The following ADAMTS15 variants were observed in gnomAD, a reference collection of about 807,000 sequenced individuals.
The protein encoded by ADAMTS15 is A disintegrin and metalloproteinase with thrombospondin motifs 15.
ADAMTS15 carries 35 observed loss-of-function variants against 79.1 expected under a neutral mutation model. That is an observed-to-expected ratio of 0.44 (90% confidence interval 0.34 to 0.59). The LOEUF is 0.59. Ranked by LOEUF, ADAMTS15 falls within the 20% of genes least tolerant of loss-of-function variation. The pLI is 0.02. For synonymous variants in ADAMTS15, 616 were observed against 567.3 expected (o/e 1.09, Z -1.22); for missense variants, 1,324 against 1,318.7 (o/e 1.00, Z -0.06).
chr11:130,462,708 C>T lies in ADAMTS15; in HGVS notation c.1470C>T (p.Gly490=), dbSNP rs761191562. The T allele has an allele frequency of 6.2e-7, 1 of 1,612,222 alleles. No homozygotes were observed. Among genetic ancestry groups the T allele is most frequent in the Non-Finnish European group, 8.5e-7 (1 of 1,178,406 alleles). Residue 490 remains glycine (G), a synonymous_variant, in exon 4 of 8, where the codon GGC becomes GGT. Transcript: ENST00000299164. The surrounding 1 kb of genome is among the most constrained non-coding windows in gnomAD (Gnocchi z 4.3). ...CCCGCCACTTCCCCTGGGCCGATGG[C>T]ACCAGCTGTGGCGAGGGCAAGCTCT... ...CQTRHFPWAD[G]TSCGEGKLCL... is the part of the protein sequence containing the mutation.
At chr11:130,454,802 TGGG>T (rs1318803874) in intron 1 of ADAMTS15, among the ~76,000 whole-genome samples, 1 of 152,156 alleles carries the variant, frequency 6.6e-6, no homozygotes, top group Admixed American at 6.5e-5. Context: ...TGTCAGCAGA[TGGG>T]GGAGGAAGGT....
chr11:130,473,724 A>C lies in ADAMTS15; in HGVS notation c.2756A>C (p.Lys919Thr). 1.2e-6 allele frequency: 2 copies of C among 1,600,038 alleles called. No individual in the cohort carries two copies. Among genetic ancestry groups the C allele is most frequent in the Non-Finnish European group, 1.7e-6 (2 of 1,179,868 alleles). ...CGRGFQRRSL[K>T]CVGHGGRLLA... is the part of the protein sequence containing the mutation. ...CGGGGATTTCAGAGGCGCTCACTCA[A>C]GTGTGTGGGCCACGGAGGCCGGCTG... is the stretch of plus-strand genomic sequence containing the variant. Residue 919 changes from lysine to threonine, a missense_variant, in exon 8 of 8, where the codon AAG becomes ACG. By Grantham distance (78) the Lys-to-Thr change is moderately conservative (BLOSUM62 -1). Transcript: ENST00000299164.
At chr11:130,450,201 C>A (rs550178101) in intron 1 of ADAMTS15, 2 of 985,344 alleles carry the variant, frequency 2.0e-6, no homozygotes, top group African/African-American at 3.5e-5. Flanking sequence ...CTGGATCAGG[C>A]GCCGAGGGGC....
intron 1 of ADAMTS15, among the ~76,000 whole-genome samples, chr11:130,454,232 A>G (rs905433808): frequency 6.6e-6 from 1 of 152,142 alleles, no homozygotes; most frequent in Non-Finnish European, 1.5e-5. Context: ...GGGACCATCC[A>G]GGCAGGATCT....
At chr11:130,469,719 G>A (rs1437057242) in intron 5 of ADAMTS15, among the ~76,000 whole-genome samples, 2 of 152,138 alleles carry the variant, frequency 1.3e-5, no homozygotes, top group African/African-American at 4.8e-5. Flanking sequence ...CCTTCTGGAT[G>A]CTTAGCCTGG....
Position 130,462,387 on chromosome 11 carries a change from G to C in ADAMTS15, c.1259-110G>C, listed in dbSNP as rs1938219873. On this transcript the variant is annotated intron_variant, in intron 3 of 7. Transcript: ENST00000299164. This position sits in a 1 kb window ranked among gnomAD's most constrained non-coding sequence, Gnocchi z 4.3. ...CCCCCTCGGAGCCGGGCTCTGACAT[G>C]AGTGCATTCCTGTTGCCCTTGGTTC... 2 of 1,494,608 alleles carry C rather than the reference G, an allele frequency of 1.3e-6. No homozygotes were observed. The highest frequency in any genetic ancestry group is 2.6e-5 in the South Asian group (2 of 75,924). The allele number at this position is 1,494,608 out of a possible 1,614,324, so 92.6% of individuals were successfully genotyped here.
Position 130,473,686 on chromosome 11 carries a change from C to T in ADAMTS15, c.2718C>T (p.Ser906=), listed in dbSNP as rs201275670. 84 of 1,603,420 alleles carry T rather than the reference C, an allele frequency of 5.2e-5. 1 individual carries two copies. The East Asian group carries it at 1.6e-3, about 31-fold the overall frequency. ...TWELSAWSPC[S]KSCGRGFQRR... ...AGCTCAGCGCCTGGTCACCCTGCTC[C>T]AAGAGCTGCGGCCGGGGATTTCAGA... The change falls in exon 8 of 8, where the codon TCC becomes TCT. Residue 906 remains serine, a synonymous_variant. Coordinates refer to ENST00000299164, the MANE Select transcript of ADAMTS15 (RefSeq NM_139055.4).
chr11:130,464,127 C>T (rs113594613), intron 4 of ADAMTS15, among the ~76,000 whole-genome samples: 3,170 of 152,220 alleles, frequency 0.021, 93 homozygotes, highest in African/African-American at 0.065. Flanking sequence ...CAGACAGCAG[C>T]CACCTTGATT....
chr11:130,470,811 G>A (rs917439083), intron 5 of ADAMTS15, 109 bp from the exon 6 acceptor site: 89 of 1,238,704 alleles, frequency 7.2e-5, no homozygotes, highest in South Asian at 5.7e-4. Flanking sequence ...CTTTGGTGAT[G>A]AGGGTGGGAA....
chr11:130,450,201 C>T (rs550178101), intron 1 of ADAMTS15: 2 of 985,462 alleles, frequency 2.0e-6, no homozygotes, highest in Non-Finnish European at 2.4e-6. Context: ...CTGGATCAGG[C>T]GCCGAGGGGC....
intron 4 of ADAMTS15, among the ~76,000 whole-genome samples, chr11:130,467,324 T>G: frequency 6.7e-6 from 1 of 150,270 alleles, no homozygotes; most frequent in Non-Finnish European, 1.5e-5. Context: ...CTCTGGGGAG[T>G]GAGTATGAGG....
Position 130,473,921 on chromosome 11 carries a change from G to A in ADAMTS15, c.*100G>A. ...CAGAGGACGGTGGCCAGGGGCTCACGCCACGATGTCACCCACATCCGGGGA... is the reference window on the plus strand; with the variant it reads ...CAGAGGACGGTGGCCAGGGGCTCACACCACGATGTCACCCACATCCGGGGA... On this transcript the variant is annotated 3_prime_UTR_variant, in exon 8 of 8. Coordinates refer to ENST00000299164, the MANE Select transcript of ADAMTS15 (RefSeq NM_139055.4). 1.4e-6 allele frequency: 2 copies of A among 1,412,728 alleles called. No individual in the cohort carries two copies. The highest frequency in any genetic ancestry group is 1.9e-6 in the Non-Finnish European group (2 of 1,069,760). The allele number at this position is 1,412,728 out of a possible 1,614,324, so 87.5% of individuals were successfully genotyped here. A position where few individuals can be genotyped will look rare whatever the true frequency, so the allele number is the denominator to read the frequency against.
Position 130,469,304 on chromosome 11 carries a change from T to A in ADAMTS15, c.1585T>A (p.Ser529Thr). ...CAAATGGGATCCCTATGGCCCCTGC[T>A]CGCGCACATGTGGTGGGGGCGTGCA... Reference protein sequence around the residue: ...WAKWDPYGPCSRTCGGGVQLA... With the variant: ...WAKWDPYGPCTRTCGGGVQLA... Residue 529 changes from serine (S) to threonine (T), a missense_variant, in exon 5 of 8, where the codon TCG (serine) becomes ACG (threonine). Physicochemically the swap from Ser to Thr is moderately conservative, Grantham distance 58. Transcript: ENST00000299164. 7.8e-6 allele frequency: 11 copies of A among 1,402,154 alleles called. No homozygotes were observed. The highest frequency in any genetic ancestry group is 1.0e-5 in the Non-Finnish European group (11 of 1,073,248). 86.9% of individuals were successfully genotyped at this position (1,402,154 alleles called of 1,614,324 possible).
rs1267205209 is a variant in ADAMTS15, at chr11:130,470,158, A to G, written c.1720+719A>G. Among the ~76,000 whole-genome samples the G allele has an allele frequency of 1.1e-3, 57 of 50,020 alleles. 1 individual carries two copies. Among genetic ancestry groups the G allele is most frequent in the East Asian group, 5.3e-3 (12 of 2,282 alleles). 32.8% of individuals were successfully genotyped at this position (50,020 alleles called of 152,430 possible). A position where few individuals can be genotyped will look rare whatever the true frequency, so the allele number is the denominator to read the frequency against. ...CATATATATATATATATATGTGTAT[A>G]TATATATATATATATATATATATGT... On this transcript the variant is annotated intron_variant, in intron 5 of 7. Coordinates refer to ENST00000299164, the MANE Select transcript of ADAMTS15 (RefSeq NM_139055.4).
rs1938234057 is a variant in ADAMTS15, at chr11:130,462,970, C to T, written c.1542+190C>T. 6.6e-6 allele frequency among the ~76,000 whole-genome samples: 1 copy of T among 152,240 alleles called. No individual in the cohort carries two copies. On this transcript the variant is annotated intron_variant, in intron 4 of 7. Transcript: ENST00000299164. The surrounding 1 kb of genome is among the most constrained non-coding windows in gnomAD (Gnocchi z 4.3). Reference sequence around the variant, plus strand: ...TCCTATCCCCTTCTTGACTCTAAGACCGGAGAGAAAAGCTATGGCAGGTCA... The same window carrying T: ...TCCTATCCCCTTCTTGACTCTAAGATCGGAGAGAAAAGCTATGGCAGGTCA...
At chr11:130,454,966 A>G (rs1297646163) in intron 1 of ADAMTS15, among the ~76,000 whole-genome samples, 2 of 152,008 alleles carry the variant, frequency 1.3e-5, no homozygotes, top group African/African-American at 4.8e-5. Context: ...TTTCCCCCCA[A>G]CCTTTCCTTG....
At chr11:130,450,610 G>C (rs1937944068) in intron 1 of ADAMTS15, among the ~76,000 whole-genome samples, 1 of 152,208 alleles carries the variant, frequency 6.6e-6, no homozygotes, top group Non-Finnish European at 1.5e-5. Context: ...TTCTGAGCAG[G>C]CGGTGTAGTT....
chr11:130,469,465 C>T (rs756132982), intron 5 of ADAMTS15, 26 bp downstream of exon 5: 11 of 1,317,666 alleles, frequency 8.3e-6, no homozygotes, highest in Non-Finnish European at 9.7e-6. Flanking sequence ...CAGTGGTGGC[C>T]TGGGCCCAGG....
Position 130,462,312 on chromosome 11 carries a change from C to T in ADAMTS15, c.1258+58C>T, listed in dbSNP as rs1006233525. On this transcript the variant is annotated intron_variant, in intron 3 of 7. Coordinates refer to ENST00000299164, the MANE Select transcript of ADAMTS15 (RefSeq NM_139055.4). This position sits in a 1 kb window ranked among gnomAD's most constrained non-coding sequence, Gnocchi z 4.3. ...GCCTCGGAGGGGGCTTTGCTGCTGC[C>T]CCTGGTGGAGGTGCTCACTTCTCCG... 5 of 1,548,402 alleles carry T rather than the reference C, an allele frequency of 3.2e-6. No individual in the cohort carries two copies. Among genetic ancestry groups the T allele is most frequent in the Non-Finnish European group, 4.4e-6 (5 of 1,145,724 alleles).
Sources: gnomAD v4.1 joint callset for allele counts (sites outside exome capture counted in the v4.1 genomes callset) on GRCh38, gnomAD v4.1.1 for gene constraint, Gnocchi (gnomAD v3.1) non-coding constraint, MANE v1.5 for transcripts, NCBI Gene and HGNC (gene_info 2026-07-23, HGNC 2026-07-21) for gene names.